Variants in DENND4A observed in about 807,000 individuals in gnomAD.
DENND4A encodes DENN domain containing 4A, also known as C-myc promoter-binding protein.
In DENND4A, 70 loss-of-function variants were observed where a neutral mutation model predicts 199.3. The ratio of observed to expected loss-of-function variants is 0.35; its 90% CI spans 0.29 to 0.43. DENND4A has a LOEUF of 0.43. Among genes scored for constraint, DENND4A ranks in the 20% least tolerant of loss-of-function variants. The pLI, the probability that DENND4A is intolerant of heterozygous loss-of-function variation, is 1.00. For missense variants in DENND4A, 1,723 were observed against 2,255.8 expected (o/e 0.76, Z 4.78); for synonymous variants, 686 against 766.9 (o/e 0.89, Z 1.74).
intron 2 of DENND4A, among the ~76,000 whole-genome samples, chr15:65,758,449 G>A (rs2076769713): frequency 6.6e-6 from 1 of 152,144 alleles, no homozygotes; most frequent in South Asian, 2.1e-4. Flanking sequence ...ATGCAGCTGG[G>A]ACCACAGGTG....
chr15:65,722,295 T>C (rs2075671663), intron 12 of DENND4A, among the ~76,000 whole-genome samples: 1 of 152,128 alleles, frequency 6.6e-6, no homozygotes, highest in East Asian at 1.9e-4. Context: ...TAAGACCCTG[T>C]CTCTGTAACA....
chr15:65,767,640 A>G (rs2077020889), intron 1 of DENND4A, among the ~76,000 whole-genome samples: 4 of 152,176 alleles, frequency 2.6e-5, no homozygotes, highest in Admixed American at 2.6e-4. Flanking sequence ...AACTGATACC[A>G]TTATCGAGTA....
intron 24 of DENND4A, 122 bp downstream of exon 24, chr15:65,676,323 A>T (rs1409295847): frequency 4.7e-6 from 4 of 852,448 alleles, no homozygotes; most frequent in Non-Finnish European, 6.6e-6. Context: ...TTGACTTTGG[A>T]ACTATACAAA....
intron 7 of DENND4A, among the ~76,000 whole-genome samples, chr15:65,734,616 C>T (rs1052064096): frequency 2.6e-5 from 4 of 152,098 alleles, no homozygotes; most frequent in Non-Finnish European, 4.4e-5. Context: ...GCAACCCACC[C>T]CTTCAATTAA....
intron 15 of DENND4A, among the ~76,000 whole-genome samples, chr15:65,705,574 A>G (rs1233126651): frequency 6.6e-6 from 1 of 152,208 alleles, no homozygotes; most frequent in East Asian, 1.9e-4. Flanking sequence ...CCCTAAATTA[A>G]CAATGATCAA....
Position 65,792,094 on chromosome 15 carries a change from G to A in DENND4A, c.-186C>T, listed in dbSNP as rs1242338752. Reference sequence around the variant, plus strand: ...GCACGCGCGGTAGCGGAACACGAGGGGCTGAATGCCGCGGCGCTCTGAGCC... The same window carrying A: ...GCACGCGCGGTAGCGGAACACGAGGAGCTGAATGCCGCGGCGCTCTGAGCC... On this transcript the variant is annotated 5_prime_UTR_variant, in exon 1 of 33. Coordinates refer to ENST00000443035, the MANE Select transcript of DENND4A (RefSeq NM_001320835.1). The A allele has an allele frequency of 6.6e-6, 1 of 152,576 alleles. No homozygotes were observed. The highest frequency in any genetic ancestry group is 1.5e-5 in the Non-Finnish European group (1 of 68,098). The allele number at this position is 152,576 out of a possible 1,614,324, so 9.5% of individuals were successfully genotyped here.
In DENND4A at chr15:65,752,630, TA is replaced by T; in HGVS notation, c.312-3del. ...CTTTCTTTCCAGTCATATAAAACCC[TA>T]AAAATAAATTTTTAAAAATAAATAC... On this transcript the variant is annotated splice_polypyrimidine_tract_variant and splice_region_variant and intron_variant, in intron 3 of 32. Transcript: ENST00000443035. 1 of 1,480,010 alleles carries T rather than the reference TA, an allele frequency of 6.8e-7. No homozygotes were observed. Among genetic ancestry groups the T allele is most frequent in the South Asian group, 1.3e-5 (1 of 77,452 alleles). The allele number at this position is 1,480,010 out of a possible 1,614,324, so 91.7% of individuals were successfully genotyped here. A position where few individuals can be genotyped will look rare whatever the true frequency, so the allele number is the denominator to read the frequency against.
intron 27 of DENND4A, among the ~76,000 whole-genome samples, chr15:65,668,877 C>T (rs1286956617): frequency 6.6e-6 from 1 of 151,434 alleles, no homozygotes; most frequent in Non-Finnish European, 1.5e-5. Context: ...GGAAATGCTA[C>T]TCAGGCTTCA....
chr15:65,705,434 TA>T (rs1172192980), intron 15 of DENND4A, among the ~76,000 whole-genome samples: 2 of 152,200 alleles, frequency 1.3e-5, no homozygotes, highest in Non-Finnish European at 2.9e-5. Flanking sequence ...GGGAACTAAA[TA>T]ATGCATTCAC....
chr15:65,776,305 A>G (rs2077281583), intron 1 of DENND4A, among the ~76,000 whole-genome samples: 1 of 152,224 alleles, frequency 6.6e-6, no homozygotes, highest in Non-Finnish European at 1.5e-5. Context: ...ATCATCATAC[A>G]CATATGCTCA....
In DENND4A at chr15:65,669,908, C is replaced by T; in HGVS notation, c.4658G>A (p.Ser1553Asn). ...AAAGTGCATATTTTCTGTTGATGGG[C>T]TTGACTTTAGAAAGTATCTGTAATG... ...RRPGRYFLKS[S>N]PSTENMHFPS... The change falls in exon 27 of 33, where the codon AGC becomes AAC. Residue 1553 changes from serine (S) to asparagine (N), a missense_variant. Physicochemically the swap from Ser to Asn is conservative, Grantham distance 46. Transcript: ENST00000443035. The T allele has an allele frequency of 6.2e-7, 1 of 1,613,654 alleles. No individual in the cohort carries two copies. The highest frequency in any genetic ancestry group is 8.5e-7 in the Non-Finnish European group (1 of 1,179,764).
At chr15:65,771,169 A>T (rs2140881363) in intron 1 of DENND4A, 1 of 1,579,808 alleles carries the variant, frequency 6.3e-7, no homozygotes. Flanking sequence ...TAAAAATTCC[A>T]GTTCATCCTC....
Position 65,791,163 on chromosome 15 carries a change from T to C in DENND4A, c.-102+847A>G, listed in dbSNP as rs925686889. On this transcript the variant is annotated intron_variant, in intron 1 of 32. Coordinates refer to ENST00000443035, the MANE Select transcript of DENND4A (RefSeq NM_001320835.1). ...CGCGTTTTCTCCTCAAATAAATACA[T>C]GCCTGTTGACTGATGCCTGTCCTGC... 2.6e-5 allele frequency among the ~76,000 whole-genome samples: 4 copies of C among 152,230 alleles called. No individual in the cohort carries two copies. The South Asian group carries it at 6.2e-4, about 24-fold the overall frequency.
At chr15:65,702,075 C>G (rs1031816613) in intron 17 of DENND4A, among the ~76,000 whole-genome samples, 185 bp from the exon 18 acceptor site, 1 of 152,100 alleles carries the variant, frequency 6.6e-6, no homozygotes, top group Non-Finnish European at 1.5e-5. Flanking sequence ...CTAACCTAGA[C>G]CACATAGTGA....
At chr15:65,752,237 TA>T in intron 4 of DENND4A, 141 bp downstream of exon 4, 2 of 797,770 alleles carry the variant, frequency 2.5e-6, no homozygotes, top group Non-Finnish European at 3.3e-6. Flanking sequence ...CTAATATCTT[TA>T]AAAACACATT....
intron 15 of DENND4A, among the ~76,000 whole-genome samples, chr15:65,705,126 C>T (rs1336600975): frequency 6.6e-6 from 1 of 152,010 alleles, no homozygotes; most frequent in African/African-American, 2.4e-5. Context: ...GTGATACAAA[C>T]ATCATCATCA....
chr15:65,751,395 G>A (rs1375470425), intron 4 of DENND4A, among the ~76,000 whole-genome samples: 1 of 152,114 alleles, frequency 6.6e-6, no homozygotes, highest in African/African-American at 2.4e-5. Context: ...GTTCAGTTTT[G>A]GACATATTAA....
At chr15:65,717,743 T>C (rs947232589) in intron 13 of DENND4A, 35 bp downstream of exon 13, 2 of 1,509,414 alleles carry the variant, frequency 1.3e-6, no homozygotes, top group African/African-American at 1.4e-5. Context: ...TTAAGCTCAA[T>C]AACCTGAAAG....
At chr15:65,710,578 A>C (rs1385975514) in intron 14 of DENND4A, among the ~76,000 whole-genome samples, 1 of 152,236 alleles carries the variant, frequency 6.6e-6, no homozygotes, top group African/African-American at 2.4e-5. Context: ...CATCATCTTT[A>C]TATACAAAAA....
Sources: gnomAD v4.1 joint callset for allele counts (sites outside exome capture counted in the v4.1 genomes callset) on GRCh38, gnomAD v4.1.1 for gene constraint, MANE v1.5 for transcripts, NCBI Gene and HGNC (gene_info 2026-07-23, HGNC 2026-07-21) for gene names.